Variants in DPF3 observed in about 807,000 individuals in gnomAD.
DPF3 encodes the protein double PHD fingers 3, also known as zinc finger protein DPF3.
A neutral mutation model predicts 56.8 loss-of-function variants in DPF3; 18 were observed. That is an observed-to-expected ratio of 0.32 (90% CI 0.22 to 0.47). The LOEUF is 0.47. Among genes scored for constraint, DPF3 ranks in the 20% least tolerant of loss-of-function variants. The probability of loss-of-function intolerance (pLI) is 1.00; values close to 1 mark genes in which losing one functional copy is unlikely to be tolerated. For synonymous variants in DPF3, 188 were observed against 180.2 expected (o/e 1.04, Z -0.35); for missense variants, 403 against 488.8 (o/e 0.82, Z 1.65).
chr14:72,700,951 G>A (rs1354460558), intron 6 of DPF3, among the ~76,000 whole-genome samples: 12 of 152,242 alleles, frequency 7.9e-5, no homozygotes, highest in Admixed American at 5.2e-4. Flanking sequence ...AAAGTGGGGA[G>A]TTATTTCTCC....
Position 72,786,261 on chromosome 14 carries a change from T to TAA in DPF3, c.33-14370_33-14369dup, listed in dbSNP as rs34500276. 1.6e-4 allele frequency among the ~76,000 whole-genome samples: 23 copies of TAA among 142,438 alleles called. 1 individual carries two copies. The highest frequency in any genetic ancestry group is 3.5e-3 in the Middle Eastern group (1 of 282). The allele number at this position is 142,438 out of a possible 152,430, so 93.4% of individuals were successfully genotyped here. ...CTGGGCAACAGAGCGAGACTCCACC[T>TAA]AAAAAAAAAAAAGAAAAAGAAAATC... On this transcript the variant is annotated intron_variant, in intron 1 of 10. Coordinates refer to ENST00000556509, the MANE Select transcript of DPF3 (RefSeq NM_001280542.3).
chr14:72,627,695 T>C (rs1324318467), intron 9 of DPF3, among the ~76,000 whole-genome samples: 1 of 152,126 alleles, frequency 6.6e-6, no homozygotes, highest in African/African-American at 2.4e-5. Context: ...AAAAGTTTGT[T>C]GATATTTTTA....
Position 72,717,428 on chromosome 14 carries a change from A to T in DPF3, c.526-2927T>A, listed in dbSNP as rs117746085. Among the ~76,000 whole-genome samples the T allele has an allele frequency of 8.3e-3, 1,259 of 152,266 alleles. 7 individuals are homozygous for T. The highest frequency in any genetic ancestry group is 0.014 in the Non-Finnish European group (931 of 68,022). On this transcript the variant is annotated intron_variant, in intron 5 of 10. Transcript: ENST00000556509. Reference sequence around the variant, plus strand: ...AGCACTAAGTCCACAGGAAGCACTCAACACATCATTTCCCCCCTCCTTGCC... The same window carrying T: ...AGCACTAAGTCCACAGGAAGCACTCTACACATCATTTCCCCCCTCCTTGCC...
chr14:72,843,305 G>A lies in DPF3; in HGVS notation c.32+50752C>T, dbSNP rs200237747. On this transcript the variant is annotated intron_variant, in intron 1 of 10. Coordinates refer to ENST00000556509, the MANE Select transcript of DPF3 (RefSeq NM_001280542.3). ...ACACTATCCATTACAGCTGAGTCCGGGTTTGCTTCAAAAGCATCGGGGGTT... is the reference window on the plus strand; with the variant it reads ...ACACTATCCATTACAGCTGAGTCCGAGTTTGCTTCAAAAGCATCGGGGGTT... 1.9e-3 allele frequency among the ~76,000 whole-genome samples: 282 copies of A among 152,206 alleles called. 1 individual carries two copies. Among genetic ancestry groups the A allele is most frequent in the South Asian group, 4.2e-3 (20 of 4,812 alleles).
At chr14:72,744,761 G>T (rs543688581) in intron 3 of DPF3, among the ~76,000 whole-genome samples, 26 of 152,162 alleles carry the variant, frequency 1.7e-4, no homozygotes, top group African/African-American at 6.3e-4. Flanking sequence ...GGCAGGGACA[G>T]AAAGGAATAC....
At chr14:72,759,364 TA>T (rs1330306097) in intron 2 of DPF3, among the ~76,000 whole-genome samples, 1 of 151,908 alleles carries the variant, frequency 6.6e-6, no homozygotes, top group African/African-American at 2.4e-5. Context: ...GAAGAAAAAA[TA>T]TTTGTAGAAA....
At chr14:72,713,024 T>C (rs1284735493) in intron 6 of DPF3, among the ~76,000 whole-genome samples, 2 of 152,252 alleles carry the variant, frequency 1.3e-5, no homozygotes, top group Non-Finnish European at 2.9e-5. Context: ...TCCCAGCCCA[T>C]GGCTTACAGC....
intron 7 of DPF3, among the ~76,000 whole-genome samples, chr14:72,683,891 G>A (rs1380756008): frequency 6.6e-6 from 1 of 152,072 alleles, no homozygotes; most frequent in Non-Finnish European, 1.5e-5. Context: ...GCTGTAGCTG[G>A]GCAAACCTGG....
At chr14:72,696,114 G>C (rs1352313920) in intron 6 of DPF3, among the ~76,000 whole-genome samples, 2 of 152,034 alleles carry the variant, frequency 1.3e-5, no homozygotes, top group African/African-American at 2.4e-5. Context: ...TTAGTTGCCA[G>C]GCATACTGTT....
At chr14:72,812,750 C>A (rs755072963) in intron 1 of DPF3, among the ~76,000 whole-genome samples, 7 of 152,136 alleles carry the variant, frequency 4.6e-5, no homozygotes, top group Non-Finnish European at 1.0e-4. Context: ...GTGTGCAATG[C>A]GTCCGGGAGG....
intron 6 of DPF3, among the ~76,000 whole-genome samples, chr14:72,695,424 T>C (rs1567203111): frequency 1.3e-5 from 2 of 152,194 alleles, no homozygotes; most frequent in African/African-American, 2.4e-5. Flanking sequence ...GACTTCTTTG[T>C]TAAGGTAAGA....
Position 72,614,437 on chromosome 14 carries a change from G to C in DPF3, c.*4860C>G, listed in dbSNP as rs1883949383. On this transcript the variant is annotated 3_prime_UTR_variant, in exon 11 of 11. Coordinates refer to ENST00000556509, the MANE Select transcript of DPF3 (RefSeq NM_001280542.3). ...GAGGAGCTCTGTCCACTTTGCAGAG[G>C]GGAGAGGAGCAGGATGGCCAGTCCC... Among the ~76,000 whole-genome samples the C allele has an allele frequency of 6.6e-6, 1 of 152,180 alleles. No individual in the cohort carries two copies. The highest frequency in any genetic ancestry group is 2.4e-5 in the African/African-American group (1 of 41,450).
intron 2 of DPF3, among the ~76,000 whole-genome samples, chr14:72,754,559 G>A (rs1208812156): frequency 1.3e-5 from 2 of 152,170 alleles, no homozygotes; most frequent in African/African-American, 4.8e-5. Flanking sequence ...GCAGCTGTTG[G>A]ACGCAGGCGG....
intron 1 of DPF3, among the ~76,000 whole-genome samples, chr14:72,774,425 T>C (rs997023661): frequency 6.6e-6 from 1 of 152,090 alleles, no homozygotes; most frequent in African/African-American, 2.4e-5. Context: ...CTACCAACAG[T>C]GTACAAGGGT....
intron 7 of DPF3, among the ~76,000 whole-genome samples, chr14:72,678,539 G>C (rs1887014540): frequency 6.6e-6 from 1 of 152,198 alleles, no homozygotes; most frequent in Non-Finnish European, 1.5e-5. Context: ...TCATGGCTAG[G>C]TTGGCCTATG....
intron 1 of DPF3, among the ~76,000 whole-genome samples, chr14:72,851,220 CTCA>C (rs1555513097): frequency 6.6e-6 from 1 of 152,224 alleles, no homozygotes; most frequent in Non-Finnish European, 1.5e-5. Context: ...TCCTCAATCC[CTCA>C]TCAGCCTATC....
rs1367385801 is a variant in DPF3, at chr14:72,610,639, C to T, written c.*8658G>A. Among the ~76,000 whole-genome samples the T allele has an allele frequency of 2.6e-5, 4 of 152,196 alleles. No individual in the cohort carries two copies. Among genetic ancestry groups the T allele is most frequent in the African/African-American group, 7.2e-5 (3 of 41,444 alleles). On this transcript the variant is annotated 3_prime_UTR_variant, in exon 11 of 11. Transcript: ENST00000556509. ...TGGCTTTTGTGAATCGACCGTGTGA[C>T]GTAGACAGCACAGCATCAGGCCAGG...
At chr14:72,634,387 A>G (rs1477550984) in intron 8 of DPF3, among the ~76,000 whole-genome samples, 2 of 152,218 alleles carry the variant, frequency 1.3e-5, no homozygotes, top group East Asian at 3.9e-4. Context: ...AATTACTTCA[A>G]TAATACACAC....
At chr14:72,661,630 C>T (rs1406115088) in intron 8 of DPF3, 1 of 985,494 alleles carries the variant, frequency 1.0e-6, no homozygotes, top group Non-Finnish European at 1.2e-6. Flanking sequence ...TCCGCCAGCT[C>T]AGCCAGAAAG....
Sources: allele counts gnomAD v4.1 joint callset (sites outside exome capture counted in the v4.1 genomes callset), GRCh38; gene constraint gnomAD v4.1.1; transcripts MANE v1.5; gene names NCBI Gene and HGNC (gene_info 2026-07-23, HGNC 2026-07-21).